Variants in SEPTIN9 observed in about 807,000 individuals in gnomAD.
SEPTIN9 encodes septin-9.
A neutral mutation model predicts 56.6 loss-of-function variants in SEPTIN9; 13 were observed. That is an observed-to-expected ratio of 0.23 (90% CI 0.15 to 0.37). The LOEUF (loss-of-function observed/expected upper bound fraction) is 0.37, where lower values mean the gene tolerates loss of function less well. Ranked by LOEUF, SEPTIN9 falls within the 10% of genes least tolerant of loss-of-function variation. SEPTIN9 has a pLI of 1.00. For missense variants in SEPTIN9, 650 were observed against 823.1 expected (o/e 0.79, Z 2.57); for synonymous variants, 332 against 334.1 (o/e 0.99, Z 0.07).
intron 2 of SEPTIN9, among the ~76,000 whole-genome samples, chr17:77,312,351 C>G (rs1208311374): frequency 6.6e-6 from 1 of 152,198 alleles, no homozygotes; most frequent in African/African-American, 2.4e-5. Context: ...TGGATTCGTG[C>G]TGCCGCCCAG....
chr17:77,410,610 C>G (rs1167237976), intron 3 of SEPTIN9, among the ~76,000 whole-genome samples: 1 of 152,228 alleles, frequency 6.6e-6, no homozygotes, highest in Non-Finnish European at 1.5e-5. Context: ...CCTCTCTGGT[C>G]CGTTTTCTCA....
chr17:77,488,448 C>G, intron 6 of SEPTIN9, 127 bp downstream of exon 6: 3 of 916,204 alleles, frequency 3.3e-6, no homozygotes, highest in Admixed American at 2.0e-5. Context: ...ACCTGACATG[C>G]TGCCAAAGCC....
chr17:77,462,546 A>G (rs1247602140), intron 3 of SEPTIN9, among the ~76,000 whole-genome samples: 3 of 152,238 alleles, frequency 2.0e-5, no homozygotes, highest in Non-Finnish European at 4.4e-5. Context: ...GGCCTCCCAA[A>G]GTGCTGGGGT....
intron 2 of SEPTIN9, among the ~76,000 whole-genome samples, chr17:77,398,216 C>T (rs573366644): frequency 6.6e-6 from 1 of 151,354 alleles, no homozygotes; most frequent in Admixed American, 6.6e-5. Context: ...CTCAAGCGAT[C>T]TGTCCACCTT....
chr17:77,338,871 TC>T (rs1440347433), intron 2 of SEPTIN9, among the ~76,000 whole-genome samples: 1 of 152,244 alleles, frequency 6.6e-6, no homozygotes, highest in Non-Finnish European at 1.5e-5. Context: ...CACGGATTGA[TC>T]AAATAAGTTG....
chr17:77,461,554 T>A (rs75252761), intron 3 of SEPTIN9, among the ~76,000 whole-genome samples: 2 of 152,210 alleles, frequency 1.3e-5, no homozygotes, highest in Admixed American at 1.3e-4. Context: ...TGCACAGGGC[T>A]CACCAGCTTC....
At chr17:77,423,058 G>T (rs1028525664) in intron 3 of SEPTIN9, among the ~76,000 whole-genome samples, 1 of 151,988 alleles carries the variant, frequency 6.6e-6, no homozygotes, top group South Asian at 2.1e-4. Flanking sequence ...TCTTGAGGCT[G>T]TCTTGCTCGC....
intron 2 of SEPTIN9, 129 bp downstream of exon 2, chr17:77,307,326 C>A: frequency 1.2e-6 from 1 of 857,682 alleles, no homozygotes; most frequent in Non-Finnish European, 1.9e-6. Flanking sequence ...TTGCCCATTT[C>A]CCAGGGAGAC....
intron 2 of SEPTIN9, among the ~76,000 whole-genome samples, chr17:77,370,223 A>C (rs2034678670): frequency 6.6e-6 from 1 of 152,190 alleles, no homozygotes; most frequent in South Asian, 2.1e-4. Context: ...GAAGTCTGAA[A>C]TCAAGGTGCC....
chr17:77,488,650 C>G lies in SEPTIN9; in HGVS notation c.1125-77C>G, dbSNP rs970184425. The G allele has an allele frequency of 3.8e-6, 6 of 1,590,898 alleles. No individual in the cohort carries two copies. In the African/African-American group the frequency reaches 5.4e-5, roughly 14 times the overall value. ...TCATTGGAAGGTGGGGTGTTGGGCT[C>G]TGAGTCCTGGGAATGCACGACCTGC... On this transcript the variant is annotated intron_variant, in intron 6 of 11. Coordinates refer to ENST00000427177, the MANE Select transcript of SEPTIN9 (RefSeq NM_001113491.2).
chr17:77,298,053 G>A (rs141479760), intron 1 of SEPTIN9, among the ~76,000 whole-genome samples: 32 of 152,308 alleles, frequency 2.1e-4, no homozygotes, highest in Middle Eastern at 3.4e-3. Context: ...AGGTCAAAGA[G>A]GAGCCTGGGG....
chr17:77,364,184 C>T (rs1369091507), intron 2 of SEPTIN9, among the ~76,000 whole-genome samples: 1 of 152,182 alleles, frequency 6.6e-6, no homozygotes, highest in South Asian at 2.1e-4. Context: ...GGGGCCCAGC[C>T]AGCGCACCCC....
At chr17:77,407,282 CAAAAAAAAAAAAAA>C (rs58585658) in intron 3 of SEPTIN9, among the ~76,000 whole-genome samples, 2 of 44,596 alleles carry the variant, frequency 4.5e-5, no homozygotes, top group Non-Finnish European at 8.8e-5. Flanking sequence ...GACCCTGTCT[CAAAAAAAAAAAAAA>C]AAAAAAAAAA....
intron 2 of SEPTIN9, among the ~76,000 whole-genome samples, chr17:77,377,946 C>T (rs1356379541): frequency 2.0e-5 from 3 of 152,118 alleles, no homozygotes; most frequent in Admixed American, 6.5e-5. Flanking sequence ...ACACGGGTCC[C>T]ACAGCCACTG....
intron 3 of SEPTIN9, among the ~76,000 whole-genome samples, chr17:77,474,357 C>T (rs2039125066): frequency 1.3e-5 from 2 of 152,366 alleles, no homozygotes; most frequent in South Asian, 2.1e-4. Flanking sequence ...ACCCCCAGCC[C>T]GGCCCAGTAG....
chr17:77,308,649 G>T (rs72880529), intron 2 of SEPTIN9, among the ~76,000 whole-genome samples: 10,074 of 152,176 alleles, frequency 0.066, 482 homozygotes, highest in African/African-American at 0.12. Flanking sequence ...AAACTGAACA[G>T]TTCCAGACCA....
intron 7 of SEPTIN9, among the ~76,000 whole-genome samples, chr17:77,489,870 C>T (rs1052818637): frequency 1.1e-4 from 17 of 152,212 alleles, no homozygotes; most frequent in Non-Finnish European, 1.9e-4. Flanking sequence ...CCAGGCAGAA[C>T]GGCTCACCTG....
At chr17:77,486,414 T>G (rs2039780372) in intron 4 of SEPTIN9, among the ~76,000 whole-genome samples, 1 of 152,072 alleles carries the variant, frequency 6.6e-6, no homozygotes, top group Non-Finnish European at 1.5e-5. Context: ...TAGGGTATTT[T>G]TTTTGGTGTG....
chr17:77,324,195 C>T (rs1164761955), intron 2 of SEPTIN9, among the ~76,000 whole-genome samples: 3 of 152,230 alleles, frequency 2.0e-5, no homozygotes, highest in Non-Finnish European at 4.4e-5. Flanking sequence ...GGATTTAGGG[C>T]CCACTGGGTA....
Sources: allele counts gnomAD v4.1 joint callset (sites outside exome capture counted in the v4.1 genomes callset), GRCh38; gene constraint gnomAD v4.1.1; transcripts MANE v1.5; gene names NCBI Gene and HGNC (gene_info 2026-07-23, HGNC 2026-07-21).